Variants in NAPSA observed in about 807,000 individuals in gnomAD.
The protein encoded by NAPSA is napsin-A.
A neutral mutation model predicts 36.7 loss-of-function variants in NAPSA; 37 were observed. The observed-to-expected ratio is 1.01, with a 90% CI of 0.78 to 1.33. The LOEUF (loss-of-function observed/expected upper bound fraction) is 1.33. NAPSA is among the 40% of genes most tolerant of loss of function. NAPSA has a pLI of 0.00. For synonymous variants in NAPSA, 222 were observed against 234.5 expected, an observed-to-expected ratio of 0.95 and a Z score of 0.49; for missense variants, 532 against 543.8, an observed-to-expected ratio of 0.98 and a Z score of 0.21.
upstream of NAPSA, among the ~76,000 whole-genome samples, chr19:50,367,636 A>G (rs548239033): frequency 6.6e-6 from 1 of 152,004 alleles, no homozygotes; most frequent in South Asian, 2.1e-4. Context: ...GGGGTGACAC[A>G]AACACCCCAT....
chr19:50,359,986 G>T, intron 5 of NAPSA, 124 bp from the exon 6 acceptor site: 1 of 1,313,268 alleles, frequency 7.6e-7, no homozygotes, highest in Non-Finnish European at 1.0e-6. Context: ...CGGGGTAATG[G>T]GATGCAGGAA....
rs146890854 is a variant in NAPSA at position 50,359,793 on chromosome 19, G to C, written c.738C>G (p.Pro246=). Residue 246 remains proline, a synonymous_variant, in exon 6 of 9, where the codon CCC becomes CCG. Coordinates refer to ENST00000253719, the MANE Select transcript of NAPSA (RefSeq NM_004851.3). Reference sequence around the variant, plus strand: ...GGACCGTGACTGGCACGAAGGTGAGGGGTGGGATGTAGTGTGCCGGGTCCG... The same window carrying C: ...GGACCGTGACTGGCACGAAGGTGAGCGGTGGGATGTAGTGTGCCGGGTCCG... ...GGSDPAHYIP[P]LTFVPVTVPA... 20 of 1,614,116 alleles carry C rather than the reference G, an allele frequency of 1.2e-5. No individual in the cohort carries two copies. Among genetic ancestry groups the C allele is most frequent in the Non-Finnish European group, 1.5e-5 (18 of 1,180,054 alleles).
chr19:50,362,667 C>T lies in NAPSA; in HGVS notation c.84-354G>A, dbSNP rs73932469. On this transcript the variant is annotated intron_variant, in intron 1 of 8. Coordinates refer to ENST00000253719, the MANE Select transcript of NAPSA (RefSeq NM_004851.3). The stretch of plus-strand genomic sequence containing the variant: ...GTGGTGGCCCCTGCATGCTTCAGTT[C>T]GTGAGGTTAGGGACTATTTTCCCCA... 1,557 of 171,040 alleles carry T rather than the reference C, an allele frequency of 9.1e-3. 28 individuals are homozygous for T. Among genetic ancestry groups the T allele is most frequent in the African/African-American group, 0.032 (1,333 of 42,062 alleles). 10.6% of individuals were successfully genotyped at this position (171,040 alleles called of 1,614,324 possible).
chr19:50,366,101 GT>G (rs2037546202), upstream of NAPSA: 2 of 152,292 alleles, frequency 1.3e-5, no homozygotes, highest in Admixed American at 1.3e-4. Context: ...GTCTCTTACT[GT>G]TTTATTTGTA....
At chr19:50,364,067 C>T (rs1432054209) in intron 1 of NAPSA, among the ~76,000 whole-genome samples, 1 of 152,112 alleles carries the variant, frequency 6.6e-6, no homozygotes, top group African/African-American at 2.4e-5. Context: ...CGCCTGTAAT[C>T]CCAGCACTTT....
rs763054627 is a variant in NAPSA, at chr19:50,362,032, C to T, written c.286G>A (p.Asp96Asn). Residue 96 changes from aspartate (D) to asparagine (N), a missense_variant, in exon 3 of 9, where the codon GAC becomes AAC. Asp to Asn is a conservative substitution (Grantham distance 23, BLOSUM62 1). Transcript: ENST00000253719. ...TPPQNFTVAF[D>N]TGSSNLWVPS... ...ACCCAGAGATTGGAGGAGCCAGTGT[C>T]AAAGGCAACAGTGAAGTTTTGTGGA... 3.7e-6 allele frequency: 6 copies of T among 1,612,384 alleles called. No individual in the cohort carries two copies. Among genetic ancestry groups the T allele is most frequent in the South Asian group, 3.3e-5 (3 of 90,794 alleles).
intron 1 of NAPSA, chr19:50,362,787 T>C (rs1298714788): frequency 1.3e-5 from 2 of 152,956 alleles, no homozygotes. Flanking sequence ...CCTAAAGTGC[T>C]GGGATTACAG....
At chr19:50,364,723 G>A (rs2037522447) in intron 1 of NAPSA, among the ~76,000 whole-genome samples, 2 of 150,690 alleles carry the variant, frequency 1.3e-5, no homozygotes, top group Non-Finnish European at 2.9e-5. Flanking sequence ...CCGGACGCGG[G>A]GGCTCACAGC....
intron 1 of NAPSA, 47 bp downstream of exon 1, chr19:50,365,492 G>A (rs1329191340): frequency 6.4e-7 from 1 of 1,572,652 alleles, no homozygotes; most frequent in Non-Finnish European, 8.7e-7. Context: ...AGGGCAAGAG[G>A]CAGAAAATCC....
At chr19:50,365,742 G>A (rs201327816), upstream of NAPSA, 24 of 748,136 alleles carry the variant, frequency 3.2e-5, no homozygotes, top group Middle Eastern at 3.8e-4. Flanking sequence ...AAATCTGTCC[G>A]CAGGTGACGC....
rs1406750858 is a variant in NAPSA at position 50,358,836 on chromosome 19, C to T, written c.1036-56G>A. 2.0e-6 allele frequency: 3 copies of T among 1,498,272 alleles called. No homozygotes were observed. The African/African-American group carries it at 4.2e-5, about 21-fold the overall frequency. 92.8% of individuals were successfully genotyped at this position (1,498,272 alleles called of 1,614,324 possible). On this transcript the variant is annotated intron_variant, in intron 8 of 8. Transcript: ENST00000253719. ...CGCGGCCACAAGGACGGCCATTTGC[C>T]TGGGAGCCCGTCCATCCCCCCCACC... is the stretch of plus-strand genomic sequence containing the variant.
Position 50,360,186 on chromosome 19 carries a change from G to A in NAPSA, c.669-324C>T, listed in dbSNP as rs375744722. On this transcript the variant is annotated intron_variant, in intron 5 of 8. Transcript: ENST00000253719. ...TGTCTTGGAATTGGCTCTTGAAGGTGTGACTTGTGCAGGGGTGGGGTGGCT... is the reference window on the plus strand; with the variant it reads ...TGTCTTGGAATTGGCTCTTGAAGGTATGACTTGTGCAGGGGTGGGGTGGCT... Among the ~76,000 whole-genome samples, 25 of 152,328 alleles carry A rather than the reference G, an allele frequency of 1.6e-4. No homozygotes were observed. In the South Asian group the frequency reaches 4.4e-3, roughly 27 times the overall value.
chr19:50,365,908 T>A (rs1271505466), upstream of NAPSA: 1 of 298,054 alleles, frequency 3.4e-6, no homozygotes, highest in Non-Finnish European at 6.3e-6. Flanking sequence ...CCCCCATCCT[T>A]CAGCTGCTGT....
upstream of NAPSA, among the ~76,000 whole-genome samples, chr19:50,366,516 C>T (rs111333930): frequency 0.022 from 3,272 of 152,146 alleles, 119 homozygotes; most frequent in African/African-American, 0.073. Flanking sequence ...AATTCTCTGT[C>T]GGAAAGGTCA....
At chr19:50,362,495 ATC>A in intron 1 of NAPSA, 182 bp from the exon 2 acceptor site, 1 of 530,328 alleles carries the variant, frequency 1.9e-6, no homozygotes, top group Non-Finnish European at 3.3e-6. Context: ...GATGACAAAT[ATC>A]CCCAAAGACT....
chr19:50,358,526 C>T lies in NAPSA; in HGVS notation c.*27G>A. On this transcript the variant is annotated 3_prime_UTR_variant, in exon 9 of 9. Transcript: ENST00000253719. ...TGGGTAGCAGGACCTCCGCGACCACCCGCTGCGCATGCGCTTCACTTGGGC... is the reference window on the plus strand; with the variant it reads ...TGGGTAGCAGGACCTCCGCGACCACTCGCTGCGCATGCGCTTCACTTGGGC... 6.5e-7 allele frequency: 1 copy of T among 1,541,680 alleles called. No individual in the cohort carries two copies. Among genetic ancestry groups the T allele is most frequent in the Non-Finnish European group, 8.8e-7 (1 of 1,141,840 alleles).
chr19:50,359,765 C>T lies in NAPSA; in HGVS notation c.766G>A (p.Ala256Thr). 6 of 1,614,200 alleles carry T rather than the reference C, an allele frequency of 3.7e-6. No homozygotes were observed. The highest frequency in any genetic ancestry group is 4.2e-6 in the Non-Finnish European group (5 of 1,180,040). ...CGCTCCATGTGGATCTGCCAGTAGG[C>T]AGGGACCGTGACTGGCACGAAGGTG... Reference protein sequence around the residue: ...PLTFVPVTVPAYWQIHMERVK... With the variant: ...PLTFVPVTVPTYWQIHMERVK... Residue 256 changes from alanine to threonine, a missense_variant, in exon 6 of 9, where the codon GCC (alanine) becomes ACC (threonine). By Grantham distance (58) the Ala-to-Thr change is moderately conservative (BLOSUM62 0). Around this residue, in one of 3 missense-constraint regions of NAPSA, gnomAD observed 385 missense variants for 371.5 expected, o/e 1.04. Coordinates refer to ENST00000253719, the MANE Select transcript of NAPSA (RefSeq NM_004851.3).
chr19:50,368,860 C>T (rs2037581465), upstream of NAPSA, among the ~76,000 whole-genome samples: 1 of 152,236 alleles, frequency 6.6e-6, no homozygotes, highest in African/African-American at 2.4e-5. Flanking sequence ...TCCGCCCTAG[C>T]AGTTCCCACC....
At chr19:50,365,745 G>A (rs873834), upstream of NAPSA, 6,291 of 753,776 alleles carry the variant, frequency 8.3e-3, 302 homozygotes, top group African/African-American at 0.099. Context: ...TCTGTCCGCA[G>A]GTGACGCAGT....
Sources: allele counts gnomAD v4.1 joint callset (sites outside exome capture counted in the v4.1 genomes callset), GRCh38; gene constraint gnomAD v4.1.1; regional missense constraint gnomAD v4.1.1; transcripts MANE v1.5; gene names NCBI Gene and HGNC (gene_info 2026-07-23, HGNC 2026-07-21).